The following BTBD10 variants were observed in gnomAD, a reference collection of about 807,000 sequenced individuals.
The protein encoded by BTBD10 is BTB domain containing 10, also known as BTB/POZ domain-containing protein 10.
In BTBD10, 21 loss-of-function variants were observed where a neutral mutation model predicts 53.2. The ratio of observed to expected loss-of-function variants is 0.39; its 90% CI spans 0.28 to 0.57. The LOEUF (loss-of-function observed/expected upper bound fraction) is 0.57, where lower values mean the gene tolerates loss of function less well. Ranked by LOEUF, BTBD10 falls within the 20% of genes least tolerant of loss-of-function variation. The pLI is 0.53. For missense variants in BTBD10, 360 were observed against 594.7 expected, an observed-to-expected ratio of 0.61 and a Z score of 4.10; for synonymous variants, 149 against 192.7, an observed-to-expected ratio of 0.77 and a Z score of 1.88.
At chr11:13,459,880 G>C (rs1951056617) in intron 1 of BTBD10, 1 of 152,170 alleles carries the variant, frequency 6.6e-6, no homozygotes, top group Admixed American at 6.5e-5. Context: ...CAGGGGATGG[G>C]AAGAAGCGGA....
At chr11:13,400,612 CAGAAA>C (rs1359541919) in intron 8 of BTBD10, among the ~76,000 whole-genome samples, 1 of 152,246 alleles carries the variant, frequency 6.6e-6, no homozygotes, top group Non-Finnish European at 1.5e-5. Context: ...GTTGGAAATG[CAGAAA>C]TCACCCATTT....
intron 2 of BTBD10, among the ~76,000 whole-genome samples, chr11:13,426,944 G>C (rs149989427): frequency 1.3e-3 from 203 of 152,264 alleles, no homozygotes; most frequent in African/African-American, 4.5e-3. Context: ...AACCATAAAA[G>C]GTGAAGATTA....
intron 8 of BTBD10, among the ~76,000 whole-genome samples, chr11:13,394,332 C>G (rs1480836494): frequency 6.6e-6 from 1 of 152,112 alleles, no homozygotes; most frequent in Non-Finnish European, 1.5e-5. Flanking sequence ...ATAGTGAGTG[C>G]TCATGAGATC....
At chr11:13,427,906 T>C (rs1461929280) in intron 2 of BTBD10, among the ~76,000 whole-genome samples, 3 of 151,878 alleles carry the variant, frequency 2.0e-5, no homozygotes, top group Non-Finnish European at 4.4e-5. Flanking sequence ...AAAAAGGAAA[T>C]TAGAAAAGTT....
intron 6 of BTBD10, among the ~76,000 whole-genome samples, chr11:13,411,099 G>A (rs771807196): frequency 1.1e-4 from 16 of 152,294 alleles, no homozygotes; most frequent in Non-Finnish European, 2.4e-4. Context: ...CAGTGGAAGA[G>A]GGTCCTAAAA....
chr11:13,407,810 T>C (rs1191118194), intron 6 of BTBD10, among the ~76,000 whole-genome samples: 1 of 152,162 alleles, frequency 6.6e-6, no homozygotes, highest in East Asian at 1.9e-4. Flanking sequence ...GGAGGCTAAG[T>C]CAAAAGAAGC....
chr11:13,398,950 A>G (rs1949636719), intron 8 of BTBD10, among the ~76,000 whole-genome samples: 1 of 152,170 alleles, frequency 6.6e-6, no homozygotes, highest in African/African-American at 2.4e-5. Flanking sequence ...GGGTTACCCG[A>G]CCTTTCTCTC....
chr11:13,449,850 C>A (rs1345693937), intron 1 of BTBD10, among the ~76,000 whole-genome samples: 1 of 152,174 alleles, frequency 6.6e-6, no homozygotes, highest in African/African-American at 2.4e-5. Context: ...CTGAAATTAA[C>A]TACATTAATC....
intron 8 of BTBD10, among the ~76,000 whole-genome samples, chr11:13,393,913 T>C (rs1949468661): frequency 1.3e-5 from 2 of 152,236 alleles, no homozygotes; most frequent in Admixed American, 1.3e-4. Context: ...CTTTAGCTTC[T>C]TTCTCTTAAA....
intron 6 of BTBD10, among the ~76,000 whole-genome samples, chr11:13,411,598 C>G (rs1028999496): frequency 7.9e-5 from 12 of 152,040 alleles, no homozygotes; most frequent in Admixed American, 7.2e-4. Flanking sequence ...AAAACCCTTA[C>G]TTTTAATCTG....
At position 13,419,686 on chromosome 11, in the gene BTBD10, G is replaced by A; in HGVS notation, c.358C>T (p.Pro120Ser). 1 of 1,613,662 alleles carries A rather than the reference G, an allele frequency of 6.2e-7. No homozygotes were observed. The highest frequency in any genetic ancestry group is 8.5e-7 in the Non-Finnish European group (1 of 1,179,848). Residue 120 changes from proline to serine, a missense_variant, in exon 4 of 9, where the codon CCA (proline) becomes TCA (serine). Pro to Ser is a moderately conservative substitution (Grantham distance 74). Coordinates refer to ENST00000278174, the MANE Select transcript of BTBD10 (RefSeq NM_032320.7). ...CCAGCACTGCTAATGGAACCATTTGGGGATGCTTTTTGAGGACGCGGACTG... is the reference window on the plus strand; with the variant it reads ...CCAGCACTGCTAATGGAACCATTTGAGGATGCTTTTTGAGGACGCGGACTG... ...PSSPRPQKAS[P>S]NGSISSAGNS...
At chr11:13,443,678 G>C (rs1950704243) in intron 2 of BTBD10, among the ~76,000 whole-genome samples, 1 of 151,700 alleles carries the variant, frequency 6.6e-6, no homozygotes, top group Non-Finnish European at 1.5e-5. Context: ...CCACCTACCA[G>C]GTTCAAGGAA....
intron 1 of BTBD10, among the ~76,000 whole-genome samples, chr11:13,446,739 T>C (rs981975994): frequency 6.6e-6 from 1 of 152,118 alleles, no homozygotes; most frequent in African/African-American, 2.4e-5. Flanking sequence ...AGGTATTAGA[T>C]GACTATAAAA....
Position 13,415,470 on chromosome 11 carries a change from C to T in BTBD10, c.687+1688G>A, listed in dbSNP as rs1228781745. ...GCAATCATGTGAACCTGTGACAAAT[C>T]AAGCAGCTGACCAACAGCACCTCCT... On this transcript the variant is annotated intron_variant, in intron 5 of 8. Coordinates refer to ENST00000278174, the MANE Select transcript of BTBD10 (RefSeq NM_032320.7). Among the ~76,000 whole-genome samples, 3 of 152,218 alleles carry T rather than the reference C, an allele frequency of 2.0e-5. No homozygotes were observed. The East Asian group carries it at 5.8e-4, about 29-fold the overall frequency.
chr11:13,457,022 C>T (rs1011757525), intron 1 of BTBD10, among the ~76,000 whole-genome samples: 2 of 152,030 alleles, frequency 1.3e-5, no homozygotes, highest in African/African-American at 4.8e-5. Flanking sequence ...ATTAGCCAAG[C>T]ATGGTGGCAC....
At chr11:13,458,057 C>G (rs1951008414) in intron 1 of BTBD10, among the ~76,000 whole-genome samples, 1 of 146,678 alleles carries the variant, frequency 6.8e-6, no homozygotes, top group Non-Finnish European at 1.5e-5. Context: ...ATCCCAACTA[C>G]TTGGGAGGCT....
chr11:13,425,174 T>A (rs1950313192), intron 2 of BTBD10, among the ~76,000 whole-genome samples: 1 of 152,190 alleles, frequency 6.6e-6, no homozygotes, highest in Non-Finnish European at 1.5e-5. Context: ...GAATAGGTCC[T>A]GTTCCCACTG....
intron 2 of BTBD10, among the ~76,000 whole-genome samples, chr11:13,434,971 G>C (rs1010187494): frequency 2.6e-5 from 4 of 152,234 alleles, no homozygotes; most frequent in African/African-American, 9.6e-5. Context: ...GCAAGTGAAA[G>C]TGAAAGGACT....
chr11:13,431,986 G>A (rs1205535714), intron 2 of BTBD10, among the ~76,000 whole-genome samples: 1 of 151,548 alleles, frequency 6.6e-6, no homozygotes, highest in Non-Finnish European at 1.5e-5. Context: ...TTTTGAATGG[G>A]TAAACTGTAG....
Sources: allele counts gnomAD v4.1 joint callset (sites outside exome capture counted in the v4.1 genomes callset), GRCh38; gene constraint gnomAD v4.1.1; transcripts MANE v1.5; gene names NCBI Gene and HGNC (gene_info 2026-07-23, HGNC 2026-07-21).